Variants in SPATS2L observed in about 807,000 individuals in gnomAD.
SPATS2L encodes SPATS2-like protein.
A neutral mutation model predicts 59.6 loss-of-function variants in SPATS2L; 30 were observed. The observed-to-expected ratio is 0.50, with a 90% CI of 0.38 to 0.68. The LOEUF (loss-of-function observed/expected upper bound fraction) is 0.68. Among genes scored for constraint, SPATS2L ranks in the 30% least tolerant of loss-of-function variants. SPATS2L has a pLI of 0.00. For missense variants in SPATS2L, 615 were observed against 700.0 expected (o/e 0.88, Z 1.37); for synonymous variants, 252 against 263.5 (o/e 0.96, Z 0.42).
At chr2:200,458,156 A>G (rs1265597888) in intron 8 of SPATS2L, among the ~76,000 whole-genome samples, 1 of 152,264 alleles carries the variant, frequency 6.6e-6, no homozygotes, top group Non-Finnish European at 1.5e-5. Flanking sequence ...ACTATACTTC[A>G]TGATAACCAA....
intron 8 of SPATS2L, among the ~76,000 whole-genome samples, chr2:200,453,298 C>G (rs72922081): frequency 2.0e-5 from 3 of 152,218 alleles, no homozygotes; most frequent in African/African-American, 7.2e-5. Flanking sequence ...ACAGTTAGGG[C>G]TGCCAGGCCT....
chr2:200,376,851 C>G (rs1483987250), intron 2 of SPATS2L, among the ~76,000 whole-genome samples: 1 of 152,202 alleles, frequency 6.6e-6, no homozygotes, highest in Admixed American at 6.5e-5. Context: ...TGGAGTCACC[C>G]CACCTCTCCC....
chr2:200,410,640 C>T (rs2082844350), intron 3 of SPATS2L, among the ~76,000 whole-genome samples: 1 of 152,046 alleles, frequency 6.6e-6, no homozygotes, highest in African/African-American at 2.4e-5. Context: ...AAATGCTTTT[C>T]CCCTTCCCCT....
At chr2:200,365,633 T>C (rs1405237714) in intron 2 of SPATS2L, among the ~76,000 whole-genome samples, 1 of 152,198 alleles carries the variant, frequency 6.6e-6, no homozygotes, top group African/African-American at 2.4e-5. Context: ...CTAAGGATCA[T>C]GTTCTTCCTT....
intron 2 of SPATS2L, among the ~76,000 whole-genome samples, chr2:200,345,874 G>A (rs2080495981): frequency 6.6e-6 from 1 of 152,192 alleles, no homozygotes; most frequent in Non-Finnish European, 1.5e-5. Flanking sequence ...GCTGCTCAGT[G>A]TTTCAGGGGA....
intron 2 of SPATS2L, among the ~76,000 whole-genome samples, chr2:200,370,159 T>C (rs296769): frequency 0.92 from 140,129 of 152,244 alleles, 64,702 homozygotes; most frequent in Middle Eastern, 0.97. Context: ...AGAAGCTTGG[T>C]GATTGACAAA....
chr2:200,404,773 T>C (rs2082638603), intron 3 of SPATS2L, among the ~76,000 whole-genome samples: 1 of 152,186 alleles, frequency 6.6e-6, no homozygotes, highest in South Asian at 2.1e-4. Context: ...AGGTACTGGT[T>C]CTGGAGCCCT....
intron 2 of SPATS2L, among the ~76,000 whole-genome samples, chr2:200,348,250 C>T (rs552830700): frequency 1.0e-3 from 158 of 152,196 alleles, no homozygotes; most frequent in African/African-American, 3.7e-3. Context: ...CAGAAAATGT[C>T]GTTGTCCTGT....
Position 200,419,315 on chromosome 2 carries a change from G to A in SPATS2L, c.264G>A (p.Val88=), listed in dbSNP as rs758291491. The A allele has an allele frequency of 1.2e-6, 2 of 1,606,782 alleles. No homozygotes were observed. Among genetic ancestry groups the A allele is most frequent in the South Asian group, 2.2e-5 (2 of 89,778 alleles). ...GCAACAAAGATGCTAAAGACAAGGT[G>A]GAGAGGCCTGAGGCAGGGCCCCTGC... ...HQGNKDAKDK[V]ERPEAGPLQP... Residue 88 remains valine, a synonymous_variant, in exon 6 of 13, where the codon GTG becomes GTA. Transcript: ENST00000409140.
chr2:200,329,432 G>A lies in SPATS2L; in HGVS notation c.-71G>A, dbSNP rs567499485. On this transcript the variant is annotated splice_region_variant and 5_prime_UTR_variant, in exon 2 of 13. Transcript: ENST00000409140. ...TTCCCAAATTTCCATTTTTCCTAGA[G>A]CTCTTCAGAAACCAGGCTGCTTTCA... The A allele has an allele frequency of 4.5e-6, 7 of 1,550,492 alleles. No individual in the cohort carries two copies. The South Asian group carries it at 8.3e-5, about 18-fold the overall frequency.
At chr2:200,422,920 A>G (rs770632197) in intron 6 of SPATS2L, among the ~76,000 whole-genome samples, 1 of 152,188 alleles carries the variant, frequency 6.6e-6, no homozygotes, top group Non-Finnish European at 1.5e-5. Flanking sequence ...CACTATAAAC[A>G]TCCTTACTGT....
At chr2:200,347,133 T>C (rs2080538726) in intron 2 of SPATS2L, among the ~76,000 whole-genome samples, 1 of 152,200 alleles carries the variant, frequency 6.6e-6, no homozygotes, top group Non-Finnish European at 1.5e-5. Context: ...CTGTCTGTTT[T>C]CTAGGCCGAG....
intron 3 of SPATS2L, among the ~76,000 whole-genome samples, chr2:200,399,594 C>T (rs1477844276): frequency 6.6e-6 from 1 of 151,286 alleles, no homozygotes; most frequent in Non-Finnish European, 1.5e-5. Context: ...CAAATAAACT[C>T]ATAAAATCAT....
At chr2:200,339,562 A>G (rs2080254234) in intron 2 of SPATS2L, among the ~76,000 whole-genome samples, 1 of 152,182 alleles carries the variant, frequency 6.6e-6, no homozygotes, top group South Asian at 2.1e-4. Context: ...ATAAGTAGAT[A>G]TTTTAGAATA....
chr2:200,418,498 CA>C (rs1404451003), intron 5 of SPATS2L, among the ~76,000 whole-genome samples: 4 of 151,886 alleles, frequency 2.6e-5, no homozygotes, highest in Non-Finnish European at 4.4e-5. Context: ...CGCTTATGCC[CA>C]GGGGGTTGAA....
chr2:200,445,196 A>T (rs2084952297), intron 8 of SPATS2L, among the ~76,000 whole-genome samples: 1 of 152,062 alleles, frequency 6.6e-6, no homozygotes, highest in South Asian at 2.1e-4. Flanking sequence ...CTGTAGTTCC[A>T]GCTACTCGGG....
intron 2 of SPATS2L, among the ~76,000 whole-genome samples, chr2:200,363,739 T>A (rs1001957562): frequency 6.6e-6 from 1 of 152,228 alleles, no homozygotes; most frequent in Non-Finnish European, 1.5e-5. Context: ...GATGACATAA[T>A]AATGAAAAGT....
chr2:200,355,354 C>T (rs915205717), intron 2 of SPATS2L, among the ~76,000 whole-genome samples: 1 of 152,228 alleles, frequency 6.6e-6, no homozygotes. Context: ...GTGATTCTTT[C>T]TACCTTCATT....
chr2:200,473,099 C>A (rs1422997042), intron 12 of SPATS2L, 47 bp downstream of exon 12: 16 of 1,242,992 alleles, frequency 1.3e-5, no homozygotes, highest in East Asian at 1.0e-4. Context: ...AAAAAAAAAA[C>A]CTGTTTCCAG....
Sources: gnomAD v4.1 joint callset for allele counts (sites outside exome capture counted in the v4.1 genomes callset) on GRCh38, gnomAD v4.1.1 for gene constraint, MANE v1.5 for transcripts, NCBI Gene and HGNC (gene_info 2026-07-23, HGNC 2026-07-21) for gene names.